Variants in BCKDHB observed in about 807,000 individuals in gnomAD.
BCKDHB encodes the protein branched chain keto acid dehydrogenase E1 subunit beta, also known as 2-oxoisovalerate dehydrogenase subunit beta, mitochondrial.
Under a neutral mutation model 48.5 loss-of-function variants are expected in BCKDHB, and 41 were observed. That is an observed-to-expected ratio of 0.85 (90% confidence interval 0.66 to 1.10). BCKDHB has a LOEUF of 1.10. BCKDHB is among the 50% of genes least tolerant of loss of function. The pLI, the probability that BCKDHB is intolerant of heterozygous loss-of-function variation, is 0.00. For synonymous variants in BCKDHB, 201 were observed against 174.8 expected (o/e 1.15, Z -1.18); for missense variants, 496 against 494.2 (o/e 1.00, Z -0.03).
intron 9 of BCKDHB, among the ~76,000 whole-genome samples, chr6:80,293,213 T>A (rs1290103069): frequency 6.6e-6 from 1 of 152,240 alleles, no homozygotes; most frequent in Non-Finnish European, 1.5e-5. Flanking sequence ...CACACTGACC[T>A]AGCACAGTTT....
At chr6:80,243,124 AG>A (rs1312611986) in intron 8 of BCKDHB, among the ~76,000 whole-genome samples, 1 of 152,212 alleles carries the variant, frequency 6.6e-6, no homozygotes, top group Non-Finnish European at 1.5e-5. Context: ...ACTGGACAAT[AG>A]GATAAAACAA....
intron 8 of BCKDHB, among the ~76,000 whole-genome samples, chr6:80,220,848 C>T (rs959554480): frequency 2.6e-4 from 40 of 151,304 alleles, no homozygotes; most frequent in Admixed American, 1.9e-3. Flanking sequence ...AATTCTCCTG[C>T]CTCAGCCTCC....
chr6:80,218,450 C>T (rs1775270911), intron 8 of BCKDHB, among the ~76,000 whole-genome samples: 2 of 152,264 alleles, frequency 1.3e-5, no homozygotes, highest in Admixed American at 1.3e-4. Context: ...TATACACGCA[C>T]ACGTATGTGT....
rs750017854 is a variant in BCKDHB, at chr6:80,203,126, T to C, written c.865T>C (p.Ser289Pro). ...GGTTCATGTGATCCGAGAGGTAGCT[T>C]CCATGGCAAAAGAAAAGCTTGGAGT... ...TQVHVIREVA[S>P]MAKEKLGVSC... The change falls in exon 8 of 10, where the codon TCC (serine) becomes CCC (proline). Residue 289 changes from serine to proline, a missense_variant. Transcript: ENST00000320393. 6.2e-6 allele frequency: 10 copies of C among 1,612,680 alleles called. No homozygotes were observed. Among genetic ancestry groups the C allele is most frequent in the Non-Finnish European group, 8.5e-6 (10 of 1,179,042 alleles).
intron 6 of BCKDHB, among the ~76,000 whole-genome samples, chr6:80,191,592 G>A (rs115227031): frequency 0.014 from 2,182 of 152,196 alleles, 52 homozygotes; most frequent in African/African-American, 0.049. Context: ...ATTGGATTGT[G>A]ACTTAAAAAC....
intron 6 of BCKDHB, among the ~76,000 whole-genome samples, chr6:80,189,169 A>G (rs542334624): frequency 1.3e-5 from 2 of 152,336 alleles, no homozygotes; most frequent in South Asian, 4.1e-4. Context: ...GCTAAAATAA[A>G]ATTCTATTTA....
chr6:80,321,128 A>G (rs1562228105), intron 9 of BCKDHB, among the ~76,000 whole-genome samples: 1 of 152,214 alleles, frequency 6.6e-6, no homozygotes, highest in Non-Finnish European at 1.5e-5. Flanking sequence ...TCTAGGGCCG[A>G]TAACTTCTCC....
chr6:80,124,971 A>G (rs1334806788), intron 1 of BCKDHB, among the ~76,000 whole-genome samples: 1 of 152,172 alleles, frequency 6.6e-6, no homozygotes, highest in Non-Finnish European at 1.5e-5. Flanking sequence ...GCCCCTTACA[A>G]AAGAGTCCAC....
At chr6:80,452,364 C>T in the BCKDHB span, among the ~76,000 whole-genome samples, 4 of 152,118 alleles carry the variant, frequency 2.6e-5, no homozygotes, top group South Asian at 2.1e-4. Flanking sequence ...CAAGCTATCA[C>T]GATTGCCATT....
intron 9 of BCKDHB, among the ~76,000 whole-genome samples, chr6:80,336,806 C>T (rs1769614803): frequency 6.6e-6 from 1 of 151,978 alleles, no homozygotes; most frequent in Admixed American, 6.6e-5. Flanking sequence ...CTGTGCATCT[C>T]ATGTGCATGG....
At chr6:80,358,854 A>G in the BCKDHB span, among the ~76,000 whole-genome samples, 2 of 152,332 alleles carry the variant, frequency 1.3e-5, 1 homozygote, top group South Asian at 4.1e-4. Flanking sequence ...TTAAAATAGT[A>G]AATTTTATGT....
chr6:80,107,143 C>T (rs974198311), intron 1 of BCKDHB, among the ~76,000 whole-genome samples: 1 of 151,818 alleles, frequency 6.6e-6, no homozygotes, highest in African/African-American at 2.4e-5. Context: ...ATACTGCCAC[C>T]TGGAAGAGCC....
chr6:80,297,438 A>G lies in BCKDHB; in HGVS notation c.1038+24217A>G, dbSNP rs116029018. On this transcript the variant is annotated intron_variant, in intron 9 of 9. Transcript: ENST00000320393. ...TTTTTAAACTAATCAAAGTTTTTTC[A>G]TATATAAACATCGCACACACACACA... is the stretch of plus-strand genomic sequence containing the variant. 9.5e-4 allele frequency among the ~76,000 whole-genome samples: 144 copies of G among 152,268 alleles called. 1 individual carries two copies. Among genetic ancestry groups the G allele is most frequent in the African/African-American group, 3.2e-3 (131 of 41,566 alleles).
rs146042107 is a variant in BCKDHB, at chr6:80,291,037, C to T, written c.1038+17816C>T. ...GCTTCTTTACTGCAGCCTGTATAATCAGCAAGGTCTTTATAATCTGTACCT... is the reference window on the plus strand; with the variant it reads ...GCTTCTTTACTGCAGCCTGTATAATTAGCAAGGTCTTTATAATCTGTACCT... On this transcript the variant is annotated intron_variant, in intron 9 of 9. Coordinates refer to ENST00000320393, the MANE Select transcript of BCKDHB (RefSeq NM_183050.4). Among the ~76,000 whole-genome samples, 621 of 152,328 alleles carry T rather than the reference C, an allele frequency of 4.1e-3. 3 individuals are homozygous for T. Among genetic ancestry groups the T allele is most frequent in the African/African-American group, 0.014 (583 of 41,568 alleles).
intron 9 of BCKDHB, among the ~76,000 whole-genome samples, chr6:80,302,869 A>AT (rs762837780): frequency 6.6e-6 from 1 of 152,160 alleles, no homozygotes; most frequent in Non-Finnish European, 1.5e-5. Context: ...TAAAACAAAC[A>AT]TTGCAATATG....
intron 6 of BCKDHB, among the ~76,000 whole-genome samples, chr6:80,184,055 T>C (rs552822061): frequency 1.3e-5 from 2 of 152,308 alleles, no homozygotes; most frequent in East Asian, 3.9e-4. Context: ...TAAACATCCA[T>C]GTGCAGGTTT....
At chr6:80,392,147 C>G in the BCKDHB span, among the ~76,000 whole-genome samples, 2 of 152,000 alleles carry the variant, frequency 1.3e-5, no homozygotes, top group Admixed American at 1.3e-4. Context: ...TGTATGCCAC[C>G]ACATCCAGCT....
chr6:80,377,381 G>C, the BCKDHB span, among the ~76,000 whole-genome samples: 15 of 152,038 alleles, frequency 9.9e-5, no homozygotes, highest in Non-Finnish European at 1.6e-4. Context: ...TTTTTTGGTT[G>C]GTCATCCTTT....
At chr6:80,417,271 T>A in the BCKDHB span, among the ~76,000 whole-genome samples, 23 of 152,232 alleles carry the variant, frequency 1.5e-4, no homozygotes, top group African/African-American at 5.3e-4. Context: ...CTCAGAGACA[T>A]TATATCAGTG....
Sources: allele counts gnomAD v4.1 joint callset (sites outside exome capture counted in the v4.1 genomes callset), GRCh38; gene constraint gnomAD v4.1.1; transcripts MANE v1.5; gene names NCBI Gene and HGNC (gene_info 2026-07-23, HGNC 2026-07-21).